GRIP1: variants seen among roughly 807,000 people sequenced by gnomAD.
GRIP1 encodes glutamate receptor interacting protein 1.
Under a neutral mutation model 129.9 loss-of-function variants are expected in GRIP1, and 45 were observed. The ratio of observed to expected loss-of-function variants is 0.35; its 90% CI spans 0.27 to 0.44. The LOEUF (loss-of-function observed/expected upper bound fraction) is 0.44. Ranked by LOEUF, GRIP1 falls within the 20% of genes least tolerant of loss-of-function variation. GRIP1 has a pLI of 1.00. For synonymous variants in GRIP1, 530 were observed against 520.8 expected, an observed-to-expected ratio of 1.02 and a Z score of -0.24; for missense variants, 1,196 against 1,396.8, an observed-to-expected ratio of 0.86 and a Z score of 2.29.
At chr12:66,774,088 T>C (rs1010236251) in intron 1 of GRIP1, among the ~76,000 whole-genome samples, 2 of 152,028 alleles carry the variant, frequency 1.3e-5, no homozygotes, top group Admixed American at 1.3e-4. Context: ...TGACAATGAA[T>C]TCAATGAGAT....
chr12:66,556,800 T>TGAA (rs2062349952), intron 2 of GRIP1, among the ~76,000 whole-genome samples: 1 of 151,850 alleles, frequency 6.6e-6, no homozygotes, highest in Non-Finnish European at 1.5e-5. Context: ...AGCCTTATGG[T>TGAA]AACCTCAAAT....
chr12:66,417,790 C>A (rs993519112), intron 15 of GRIP1, among the ~76,000 whole-genome samples: 30 of 151,978 alleles, frequency 2.0e-4, no homozygotes, highest in African/African-American at 6.5e-4. Flanking sequence ...TTGAAGAGGA[C>A]ACAAACAAAT....
At chr12:66,372,385 T>A (rs1431583201) in intron 22 of GRIP1, 1 of 249,600 alleles carries the variant, frequency 4.0e-6, no homozygotes, top group Non-Finnish European at 7.9e-6. Context: ...CCAACTGCAG[T>A]TAACAATGGG....
chr12:66,409,600 T>C (rs1332930986), intron 15 of GRIP1, among the ~76,000 whole-genome samples: 3 of 152,314 alleles, frequency 2.0e-5, no homozygotes, highest in Admixed American at 6.5e-5. Context: ...GCAAAGACTA[T>C]AATAAATACT....
At chr12:66,619,807 A>C (rs148467936) in intron 1 of GRIP1, among the ~76,000 whole-genome samples, 5 of 152,308 alleles carry the variant, frequency 3.3e-5, no homozygotes, top group Non-Finnish European at 7.4e-5. Context: ...AGCAACATCC[A>C]AAGGAAATTC....
chr12:66,712,716 T>C (rs1387540973), intron 1 of GRIP1, among the ~76,000 whole-genome samples: 2 of 152,000 alleles, frequency 1.3e-5, no homozygotes, highest in Non-Finnish European at 1.5e-5. Flanking sequence ...ATCACTTTCT[T>C]CCTAAATCAC....
chr12:66,551,951 A>G (rs376770580), intron 2 of GRIP1, among the ~76,000 whole-genome samples: 2 of 152,152 alleles, frequency 1.3e-5, no homozygotes, highest in Non-Finnish European at 2.9e-5. Context: ...GATTAGAATG[A>G]TCAGATGTTC....
chr12:66,478,357 T>C (rs2059690189), intron 7 of GRIP1, among the ~76,000 whole-genome samples: 1 of 152,102 alleles, frequency 6.6e-6, no homozygotes, highest in Non-Finnish European at 1.5e-5. Flanking sequence ...AGAATGGCAA[T>C]CATTAAAAAG....
intron 6 of GRIP1, among the ~76,000 whole-genome samples, chr12:66,516,033 A>G (rs1275269189): frequency 6.6e-6 from 1 of 152,198 alleles, no homozygotes; most frequent in Non-Finnish European, 1.5e-5. Context: ...TACAAAAGTA[A>G]GAAGGGCACA....
chr12:66,811,374 T>C (rs1380561646), intron 1 of GRIP1, among the ~76,000 whole-genome samples: 1 of 152,194 alleles, frequency 6.6e-6, no homozygotes, highest in African/African-American at 2.4e-5. Flanking sequence ...GTATGTGTCT[T>C]AGGAGGAAAG....
intron 1 of GRIP1, among the ~76,000 whole-genome samples, chr12:66,662,176 C>T (rs1407505151): frequency 3.3e-5 from 5 of 152,232 alleles, no homozygotes; most frequent in Middle Eastern, 3.4e-3. Context: ...GAGATTTACT[C>T]CATTCAAAAT....
At chr12:67,020,410 CTCAT>C (rs1281784607) in intron 1 of GRIP1, among the ~76,000 whole-genome samples, 1 of 152,162 alleles carries the variant, frequency 6.6e-6, no homozygotes, top group African/African-American at 2.4e-5. Context: ...CACTTAAGCA[CTCAT>C]TCATTCATTC....
chr12:66,525,510 AGGTATTGAT>A (rs529188471), intron 5 of GRIP1, among the ~76,000 whole-genome samples: 3,430 of 152,084 alleles, frequency 0.023, 100 homozygotes, highest in African/African-American at 0.079. Flanking sequence ...TCAATAAATT[AGGTATTGAT>A]GGGACATATC....
At chr12:66,602,879 G>C (rs1369761512) in intron 1 of GRIP1, among the ~76,000 whole-genome samples, 1 of 52,206 alleles carries the variant, frequency 1.9e-5, no homozygotes, top group Non-Finnish European at 3.9e-5. Context: ...TTTTTTTTGA[G>C]ATAGGGTCTC....
At position 66,347,759 on chromosome 12, in the gene GRIP1, T is replaced by TC; in HGVS notation, c.*1259_*1260insG. On this transcript the variant is annotated 3_prime_UTR_variant, in exon 25 of 25. Transcript: ENST00000359742. ...TTTTTTGCACAAAAAGAAAGGTGATTTTTTTTTTATATTTCCTTAAACAAA... is the reference window on the plus strand; with the variant it reads ...TTTTTTGCACAAAAAGAAAGGTGATTCTTTTTTTTATATTTCCTTAAACAAA... The TC allele has an allele frequency of 2.2e-5, 1 of 45,996 alleles. No individual in the cohort carries two copies. Among genetic ancestry groups the TC allele is most frequent in the East Asian group, 1.0e-3 (1 of 976 alleles). The allele number at this position is 45,996 out of a possible 1,614,324, so 2.8% of individuals were successfully genotyped here.
intron 13 of GRIP1, among the ~76,000 whole-genome samples, chr12:66,439,142 T>G (rs565268054): frequency 6.6e-6 from 1 of 152,316 alleles, no homozygotes; most frequent in Admixed American, 6.5e-5. Flanking sequence ...GTGCTTGGCA[T>G]GTGCAATTCA....
At chr12:66,414,407 A>C (rs2057511297) in intron 15 of GRIP1, among the ~76,000 whole-genome samples, 1 of 152,194 alleles carries the variant, frequency 6.6e-6, no homozygotes, top group South Asian at 2.1e-4. Flanking sequence ...GGACCTCTTC[A>C]TGGAGAACTA....
chr12:66,766,430 G>GCA (rs2037640301), intron 1 of GRIP1, among the ~76,000 whole-genome samples: 2 of 152,168 alleles, frequency 1.3e-5, no homozygotes, highest in African/African-American at 4.8e-5. Flanking sequence ...CCAGCACACG[G>GCA]CACACACACC....
At chr12:66,507,474 A>ATTT (rs1206628781) in intron 7 of GRIP1, among the ~76,000 whole-genome samples, 5 of 151,970 alleles carry the variant, frequency 3.3e-5, no homozygotes, top group African/African-American at 9.7e-5. Context: ...ATAAAGTATG[A>ATTT]ATAGTGGCTA....
Sources: allele counts gnomAD v4.1 joint callset (sites outside exome capture counted in the v4.1 genomes callset), GRCh38; gene constraint gnomAD v4.1.1; transcripts MANE v1.5; gene names NCBI Gene and HGNC (gene_info 2026-07-23, HGNC 2026-07-21).